The following PPP6R3 variants were observed in gnomAD, a reference collection of about 807,000 sequenced individuals.
The protein encoded by PPP6R3 is protein phosphatase 6 regulatory subunit 3.
PPP6R3 carries 38 observed loss-of-function variants against 110.7 expected under a neutral mutation model. That is an observed-to-expected ratio of 0.34 (90% CI 0.26 to 0.45). The LOEUF is 0.45. Ranked by LOEUF, PPP6R3 falls within the 20% of genes least tolerant of loss-of-function variation. The pLI is 1.00. For synonymous variants in PPP6R3, 369 were observed against 373.5 expected (o/e 0.99, Z 0.14); for missense variants, 870 against 1,062.4 (o/e 0.82, Z 2.52).
At chr11:68,590,182 C>T (rs955123300) in intron 16 of PPP6R3, among the ~76,000 whole-genome samples, 1 of 152,180 alleles carries the variant, frequency 6.6e-6, no homozygotes, top group Non-Finnish European at 1.5e-5. Flanking sequence ...CTTTTACTCC[C>T]TCCTTGCTTT....
At chr11:68,489,999 A>G (rs1468678889) in intron 1 of PPP6R3, among the ~76,000 whole-genome samples, 1 of 152,208 alleles carries the variant, frequency 6.6e-6, no homozygotes, top group Non-Finnish European at 1.5e-5. Context: ...ATTATTTTGA[A>G]CAAACTACTT....
At position 68,614,565 on chromosome 11, in the gene PPP6R3, G is replaced by C. The variant is rs371872691; in HGVS notation, c.*1448G>C. ...AAGCAGCGTGCCTAAACATTACATTGCATATGGAAATAAAAGAATCAAACG... is the reference window on the plus strand; with the variant it reads ...AAGCAGCGTGCCTAAACATTACATTCCATATGGAAATAAAAGAATCAAACG... On this transcript the variant is annotated 3_prime_UTR_variant, in exon 24 of 24. Coordinates refer to ENST00000393800, the MANE Select transcript of PPP6R3 (RefSeq NM_001164161.2). 40 of 1,503,522 alleles carry C rather than the reference G, an allele frequency of 2.7e-5. No individual in the cohort carries two copies. The East Asian group carries it at 3.2e-4, about 12-fold the overall frequency. The allele number at this position is 1,503,522 out of a possible 1,614,324, so 93.1% of individuals were successfully genotyped here.
chr11:68,493,636 TAA>T (rs1290572543), intron 1 of PPP6R3, among the ~76,000 whole-genome samples: 2 of 131,508 alleles, frequency 1.5e-5, no homozygotes, highest in African/African-American at 6.0e-5. Context: ...TATATATATA[TAA>T]AATATATATA....
At chr11:68,596,824 C>A (rs963308834) in intron 19 of PPP6R3, among the ~76,000 whole-genome samples, 1 of 152,192 alleles carries the variant, frequency 6.6e-6, no homozygotes, top group African/African-American at 2.4e-5. Flanking sequence ...GATAGCGAGG[C>A]TTGCCCCAAG....
At position 68,596,150 on chromosome 11, in the gene PPP6R3, C is replaced by T. The variant is rs552999342; in HGVS notation, c.1970C>T (p.Ala657Val). 1 of 1,614,142 alleles carries T rather than the reference C, an allele frequency of 6.2e-7. No individual in the cohort carries two copies. Among genetic ancestry groups the T allele is most frequent in the Non-Finnish European group, 8.5e-7 (1 of 1,180,000 alleles). Residue 657 changes from alanine (A) to valine (V), a missense_variant, in exon 19 of 24, where the codon GCA becomes GTA. Transcript: ENST00000393800. ...ACAGACTCTGAAGAAGAAGATGGAG[C>T]AAAGCAAGACTTGTTTGAACCCAGC... ...ESTDSEEEDG[A>V]KQDLFEPSSA...
At chr11:68,591,527 C>G in intron 17 of PPP6R3, 49 bp from the exon 18 acceptor site, 1 of 1,505,484 alleles carries the variant, frequency 6.6e-7, no homozygotes, top group Non-Finnish European at 9.0e-7. Context: ...GAGAAGATAA[C>G]TTGACTTTAA....
In PPP6R3 at chr11:68,511,757, A is replaced by G. The variant is rs1367441205; in HGVS notation, c.-157-7744A>G. On this transcript the variant is annotated intron_variant, in intron 1 of 23. Coordinates refer to ENST00000393800, the MANE Select transcript of PPP6R3 (RefSeq NM_001164161.2). ...CGGCCTCCCAAAGTGCTGGGATTAC[A>G]GGCATGAGCCACTGCGCCCAGCCGT... 6.3e-5 allele frequency among the ~76,000 whole-genome samples: 9 copies of G among 143,462 alleles called. No homozygotes were observed. In the South Asian group the frequency reaches 2.0e-3, roughly 32 times the overall value. 94.1% of individuals were successfully genotyped at this position (143,462 alleles called of 152,430 possible). A position where few individuals can be genotyped will look rare whatever the true frequency, so the allele number is the denominator to read the frequency against.
chr11:68,499,770 G>T (rs2099038459), intron 1 of PPP6R3, among the ~76,000 whole-genome samples: 1 of 151,948 alleles, frequency 6.6e-6, no homozygotes, highest in Non-Finnish European at 1.5e-5. Context: ...TTGGAGTTTT[G>T]CCATGTTTCC....
intron 2 of PPP6R3, among the ~76,000 whole-genome samples, chr11:68,527,437 T>TA (rs1662874997): frequency 6.6e-6 from 1 of 152,184 alleles, no homozygotes; most frequent in Non-Finnish European, 1.5e-5. Flanking sequence ...TCAGGCGTCT[T>TA]ACCTTCATCC....
intron 18 of PPP6R3, 100 bp downstream of exon 18, chr11:68,591,806 C>A (rs775217983): frequency 2.9e-5 from 39 of 1,358,810 alleles, no homozygotes; most frequent in Admixed American, 3.1e-5. Flanking sequence ...ACATGTTAAC[C>A]CAGAAACCAG....
chr11:68,615,231 T>C lies in PPP6R3; in HGVS notation c.*2114T>C, dbSNP rs920231705. 10 of 381,896 alleles carry C rather than the reference T, an allele frequency of 2.6e-5. No individual in the cohort carries two copies. The highest frequency in any genetic ancestry group is 5.2e-5 in the Non-Finnish European group (10 of 191,890). The allele number at this position is 381,896 out of a possible 1,614,324, so 23.7% of individuals were successfully genotyped here. ...CCCTCATTTTGTTTCTACTTTTAAT[T>C]TCTGTGTGTTGGCCATACTGAATTA... is the stretch of plus-strand genomic sequence containing the variant. On this transcript the variant is annotated 3_prime_UTR_variant, in exon 24 of 24. Transcript: ENST00000393800.
chr11:68,555,261 T>C (rs1021341744), intron 7 of PPP6R3, among the ~76,000 whole-genome samples: 26 of 152,280 alleles, frequency 1.7e-4, no homozygotes, highest in African/African-American at 6.3e-4. Context: ...CTTTAAAACA[T>C]ATAAGACACC....
In PPP6R3 at chr11:68,603,519, A is replaced by G. The variant is rs200802829; in HGVS notation, c.2450+27A>G. The G allele has an allele frequency of 2.5e-6, 4 of 1,613,816 alleles. No individual in the cohort carries two copies. The Admixed American group carries it at 5.0e-5, about 20-fold the overall frequency. On this transcript the variant is annotated intron_variant, in intron 22 of 23. Coordinates refer to ENST00000393800, the MANE Select transcript of PPP6R3 (RefSeq NM_001164161.2). ...TAACCAGGGGTGAGATCCTGCTGGT[A>G]GCTTCAGGTTATTGGGAGGATGGTG...
chr11:68,542,805 A>G lies in PPP6R3; in HGVS notation c.228-2033A>G, dbSNP rs2099327097. Among the ~76,000 whole-genome samples the G allele has an allele frequency of 3.3e-5, 5 of 152,284 alleles. 1 individual carries two copies. The South Asian group carries it at 1.0e-3, about 32-fold the overall frequency. On this transcript the variant is annotated intron_variant, in intron 3 of 23. Transcript: ENST00000393800. ...TGGCTAACATTATGCATGCTTCTTG[A>G]GTTAGGTCATACCACCCAGTCACCT... is the stretch of plus-strand genomic sequence containing the variant.
At chr11:68,561,384 C>A (rs2099419310) in intron 8 of PPP6R3, among the ~76,000 whole-genome samples, 2 of 152,252 alleles carry the variant, frequency 1.3e-5, no homozygotes, top group South Asian at 2.1e-4. Context: ...AGGTGAACCA[C>A]CTCGCCCAGC....
chr11:68,594,265 GGAGAGAGAGA>G (rs56125097), intron 18 of PPP6R3, among the ~76,000 whole-genome samples: 21 of 137,030 alleles, frequency 1.5e-4, no homozygotes, highest in African/African-American at 3.1e-4. Context: ...TAAAAAAGGG[GGAGAGAGAGA>G]GAGAGAGAGA....
intron 14 of PPP6R3, 111 bp downstream of exon 14, chr11:68,576,154 A>G (rs116871771): frequency 1.3e-6 from 1 of 755,244 alleles, no homozygotes; most frequent in Admixed American, 2.8e-5. Context: ...TGAGCCAAAG[A>G]TAAATTCTTA....
chr11:68,535,172 T>A (rs910729136), intron 2 of PPP6R3, among the ~76,000 whole-genome samples: 1 of 152,222 alleles, frequency 6.6e-6, no homozygotes, highest in African/African-American at 2.4e-5. Context: ...TCTTGTTTCC[T>A]TCACGGCAAA....
chr11:68,473,621 G>A (rs185435475), intron 1 of PPP6R3, among the ~76,000 whole-genome samples: 1 of 152,318 alleles, frequency 6.6e-6, no homozygotes, highest in Admixed American at 6.5e-5. Context: ...GGGCAGTCTT[G>A]TGGGACTGAG....
Sources: gnomAD v4.1 joint callset for allele counts (sites outside exome capture counted in the v4.1 genomes callset) on GRCh38, gnomAD v4.1.1 for gene constraint, MANE v1.5 for transcripts, NCBI Gene and HGNC (gene_info 2026-07-23, HGNC 2026-07-21) for gene names.